TNFSF4: variants seen among roughly 807,000 people sequenced by gnomAD.
The protein encoded by TNFSF4 is TNF superfamily member 4, also known as tumor necrosis factor ligand superfamily member 4.
TNFSF4 carries 4 observed loss-of-function variants against 7.3 expected under a neutral mutation model. The observed-to-expected ratio is 0.55, with a 90% CI of 0.27 to 1.25. The LOEUF (loss-of-function observed/expected upper bound fraction) is 1.25, where lower values mean the gene tolerates loss of function less well. Among genes scored for constraint, TNFSF4 ranks in the 50% most tolerant of loss-of-function variants. The probability of loss-of-function intolerance (pLI) is 0.12; values close to 1 mark genes in which losing one functional copy is unlikely to be tolerated. For synonymous variants in TNFSF4, 76 were observed against 83.7 expected, an observed-to-expected ratio of 0.91 and a Z score of 0.50; for missense variants, 181 against 208.8, an observed-to-expected ratio of 0.87 and a Z score of 0.82.
the TNFSF4 span, among the ~76,000 whole-genome samples, chr1:173,324,896 C>T: frequency 6.6e-6 from 1 of 152,198 alleles, no homozygotes; most frequent in African/African-American, 2.4e-5. Context: ...GAGACTTAGA[C>T]TCCCACACAA....
the TNFSF4 span, among the ~76,000 whole-genome samples, chr1:173,401,858 T>C: frequency 0.015 from 2,342 of 152,292 alleles, 62 homozygotes; most frequent in African/African-American, 0.054. Flanking sequence ...TAATAACAAG[T>C]CCATTTGTTG....
At chr1:173,203,974 T>C (rs939241031) in intron 1 of TNFSF4, among the ~76,000 whole-genome samples, 24 of 152,230 alleles carry the variant, frequency 1.6e-4, no homozygotes, top group Non-Finnish European at 1.2e-4. Flanking sequence ...CACTGAATTA[T>C]ATACCTTATG....
In TNFSF4 at chr1:173,185,181, CAT is replaced by C. The variant is rs1276428992; in HGVS notation, c.*1333_*1334del. On this transcript the variant is annotated 3_prime_UTR_variant, in exon 3 of 3. Coordinates refer to ENST00000281834, the MANE Select transcript of TNFSF4 (RefSeq NM_003326.5). Reference sequence around the variant, plus strand: ...TCCTCTATTGAAAATGTCAGGGAAACATGTGCTACAATTTTAAAATACATATC... The same window carrying C: ...TCCTCTATTGAAAATGTCAGGGAAACGTGCTACAATTTTAAAATACATATC... 4.6e-5 allele frequency: 7 copies of C among 152,194 alleles called. No homozygotes were observed. The highest frequency in any genetic ancestry group is 1.2e-4 in the African/African-American group (5 of 41,450). The allele number at this position is 152,194 out of a possible 1,614,324, so 9.4% of individuals were successfully genotyped here.
chr1:173,299,403 G>C, the TNFSF4 span, among the ~76,000 whole-genome samples: 2 of 151,904 alleles, frequency 1.3e-5, no homozygotes, highest in Non-Finnish European at 2.9e-5. Flanking sequence ...TTAGGATTCT[G>C]AGGGGCTATC....
the TNFSF4 span, among the ~76,000 whole-genome samples, chr1:173,343,077 C>A: frequency 6.6e-6 from 1 of 152,148 alleles, no homozygotes; most frequent in African/African-American, 2.4e-5. Context: ...CACATCCTTG[C>A]CTTTGCATTC....
At chr1:173,287,960 T>C in the TNFSF4 span, among the ~76,000 whole-genome samples, 2 of 152,200 alleles carry the variant, frequency 1.3e-5, no homozygotes, top group East Asian at 1.9e-4. Context: ...GGCAGTTACA[T>C]AGTGGGATGT....
At chr1:173,414,012 G>A in the TNFSF4 span, among the ~76,000 whole-genome samples, 1 of 152,182 alleles carries the variant, frequency 6.6e-6, no homozygotes, top group African/African-American at 2.4e-5. Context: ...ATGACAGGAG[G>A]AAAGGGGGAC....
chr1:173,408,553 G>T, the TNFSF4 span, among the ~76,000 whole-genome samples: 1 of 151,626 alleles, frequency 6.6e-6, no homozygotes, highest in Non-Finnish European at 1.5e-5. Context: ...AATATCAATG[G>T]ATGCTAAAAC....
At chr1:173,216,222 C>G in the TNFSF4 span, among the ~76,000 whole-genome samples, 1 of 152,128 alleles carries the variant, frequency 6.6e-6, no homozygotes, top group Non-Finnish European at 1.5e-5. Context: ...TAGGAATCCC[C>G]TTACATGGGC....
chr1:173,190,651 G>A lies in TNFSF4; in HGVS notation c.154-2082C>T, dbSNP rs191754069. Among the ~76,000 whole-genome samples, 19 of 152,362 alleles carry A rather than the reference G, an allele frequency of 1.2e-4. 1 individual carries two copies. In the South Asian group the frequency reaches 2.5e-3, roughly 20 times the overall value. On this transcript the variant is annotated intron_variant, in intron 1 of 2. Coordinates refer to ENST00000281834, the MANE Select transcript of TNFSF4 (RefSeq NM_003326.5). ...AGTGCCCTTCGTGCTTAAGGGCAATGCTCTGGAAGAAAACCTGTCAGAAGG... is the reference window on the plus strand; with the variant it reads ...AGTGCCCTTCGTGCTTAAGGGCAATACTCTGGAAGAAAACCTGTCAGAAGG...
At chr1:173,424,173 TG>T in the TNFSF4 span, among the ~76,000 whole-genome samples, 1 of 152,224 alleles carries the variant, frequency 6.6e-6, no homozygotes, top group Non-Finnish European at 1.5e-5. Context: ...CATATGAACT[TG>T]GGGGAACACA....
the TNFSF4 span, among the ~76,000 whole-genome samples, chr1:173,173,654 T>C: frequency 0.43 from 65,196 of 152,110 alleles, 17,064 homozygotes; most frequent in African/African-American, 0.74. Context: ...CCCAACACCA[T>C]ATGTAAGCTG....
the TNFSF4 span, among the ~76,000 whole-genome samples, chr1:173,262,794 G>A: frequency 6.6e-6 from 1 of 151,942 alleles, no homozygotes; most frequent in African/African-American, 2.4e-5. Flanking sequence ...AGTAGACAGG[G>A]TTTCACCGTG....
the TNFSF4 span, among the ~76,000 whole-genome samples, chr1:173,319,697 G>T: frequency 6.6e-6 from 1 of 152,148 alleles, no homozygotes; most frequent in Non-Finnish European, 1.5e-5. Flanking sequence ...AGACTCCACT[G>T]GTAATACCCA....
the TNFSF4 span, among the ~76,000 whole-genome samples, chr1:173,231,212 C>A: frequency 6.6e-6 from 1 of 152,120 alleles, no homozygotes. Flanking sequence ...TACTGGCAAA[C>A]CGAATCCAGC....
chr1:173,198,989 C>CA (rs1369401803), intron 1 of TNFSF4, among the ~76,000 whole-genome samples: 1 of 152,090 alleles, frequency 6.6e-6, no homozygotes, highest in Non-Finnish European at 1.5e-5. Flanking sequence ...GTACCTAATG[C>CA]AAAAAACAAG....
the TNFSF4 span, among the ~76,000 whole-genome samples, chr1:173,328,636 A>G: frequency 8.1e-4 from 123 of 152,010 alleles, no homozygotes; most frequent in Admixed American, 1.2e-3. Flanking sequence ...TACCTATGTA[A>G]CAAACCTGCA....
the TNFSF4 span, chr1:173,363,610 T>G: frequency 4.5e-6 from 2 of 448,090 alleles, no homozygotes; most frequent in Non-Finnish European, 8.8e-6. Context: ...TAGATCACTC[T>G]TAAGGAAAGG....
At chr1:173,175,920 A>C in the TNFSF4 span, among the ~76,000 whole-genome samples, 1 of 152,208 alleles carries the variant, frequency 6.6e-6, no homozygotes, top group Non-Finnish European at 1.5e-5. Context: ...CTACCAAGAC[A>C]GGAGGAAGTC....
Sources: allele counts gnomAD v4.1 joint callset (sites outside exome capture counted in the v4.1 genomes callset), GRCh38; gene constraint gnomAD v4.1.1; transcripts MANE v1.5; gene names NCBI Gene and HGNC (gene_info 2026-07-23, HGNC 2026-07-21).